Variants in GFI1 observed in about 807,000 individuals in gnomAD.
The protein encoded by GFI1 is zinc finger protein Gfi-1.
Under a neutral mutation model 39.2 loss-of-function variants are expected in GFI1, and 15 were observed. The ratio of observed to expected loss-of-function variants is 0.38; its 90% confidence interval spans 0.26 to 0.59. GFI1 has a LOEUF of 0.59. Among genes scored for constraint, GFI1 ranks in the 20% least tolerant of loss-of-function variants. GFI1 has a pLI of 0.62. For missense variants in GFI1, 475 were observed against 574.0 expected (o/e 0.83, Z 1.76); for synonymous variants, 239 against 254.3 (o/e 0.94, Z 0.57).
rs1016725727 is a variant in GFI1 at position 92,475,655 on chromosome 1, G to C, written c.*374C>G. 4 of 301,630 alleles carry C rather than the reference G, an allele frequency of 1.3e-5. No individual in the cohort carries two copies. In the South Asian group the frequency reaches 1.4e-4, roughly 11 times the overall value. 18.7% of individuals were successfully genotyped at this position (301,630 alleles called of 1,614,324 possible). On this transcript the variant is annotated 3_prime_UTR_variant, in exon 7 of 7. Coordinates refer to ENST00000294702, the MANE Select transcript of GFI1 (RefSeq NM_005263.5). ...ATATCTGGGGTAGGTCAAGAGGGGG[G>C]AGGGAAGAAACCTGAAGGGCATTCC...
chr1:92,476,467 C>T (rs1657985763), intron 6 of GFI1, among the ~76,000 whole-genome samples: 1 of 152,166 alleles, frequency 6.6e-6, no homozygotes. Flanking sequence ...CGGTTTCCTG[C>T]TAAACGGAAA....
rs772644896 is a variant in GFI1, at chr1:92,483,442, G to A, written c.46C>T (p.His16Tyr). The change falls in exon 2 of 7, where the codon CAC becomes TAC. Residue 16 changes from histidine (H) to tyrosine (Y), a missense_variant. By Grantham distance (83) the His-to-Tyr change is moderately conservative. This residue lies in a region of GFI1 where 275 missense variants were observed against 275.8 expected (regional missense o/e 1.00). Coordinates refer to ENST00000294702, the MANE Select transcript of GFI1 (RefSeq NM_005263.5). ...LVKSKKAHSY[H>Y]QPRSPGPDYS... ...TCTGGTCCTGGGGAGCGCGGCTGGT[G>A]GTAGCTGTGAGCCTTCTTGCTTTTG... 6 of 1,612,920 alleles carry A rather than the reference G, an allele frequency of 3.7e-6. No individual in the cohort carries two copies. Among genetic ancestry groups the A allele is most frequent in the African/African-American group, 2.7e-5 (2 of 74,900 alleles).
chr1:92,482,032 G>A lies in GFI1; in HGVS notation c.298+832C>T, dbSNP rs983269150. Among the ~76,000 whole-genome samples the A allele has an allele frequency of 6.6e-5, 10 of 151,902 alleles. No homozygotes were observed. Among genetic ancestry groups the A allele is most frequent in the African/African-American group, 2.4e-4 (10 of 41,340 alleles). ...TTTCGTTCGGAGGGGTTCGGGGCGC[G>A]CCCAATCCTTGTCTGGCCACTTGAC... On this transcript the variant is annotated intron_variant, in intron 3 of 6. Transcript: ENST00000294702. The surrounding 1 kb of genome is among the most constrained non-coding windows in gnomAD (Gnocchi z 4.4).
Position 92,481,158 on chromosome 1 carries a change from G to A in GFI1, c.299-70C>T. The A allele has an allele frequency of 7.4e-7, 1 of 1,349,784 alleles. No homozygotes were observed. Among genetic ancestry groups the A allele is most frequent in the Non-Finnish European group, 1.0e-6 (1 of 961,012 alleles). The allele number at this position is 1,349,784 out of a possible 1,614,324, so 83.6% of individuals were successfully genotyped here. A position where few individuals can be genotyped will look rare whatever the true frequency, so the allele number is the denominator to read the frequency against. ...GAGCGGAGGCCGCCGGGCTGCGGCT[G>A]CGAGCGTGGCGTGTTCGCGGACTGC... On this transcript the variant is annotated intron_variant, in intron 3 of 6. Coordinates refer to ENST00000294702, the MANE Select transcript of GFI1 (RefSeq NM_005263.5). The surrounding 1 kb of genome is among the most constrained non-coding windows in gnomAD (Gnocchi z 4.3).
Position 92,482,156 on chromosome 1 carries a change from G to A in GFI1, c.298+708C>T, listed in dbSNP as rs1658288928. Among the ~76,000 whole-genome samples the A allele has an allele frequency of 6.6e-6, 1 of 152,104 alleles. No individual in the cohort carries two copies. Among genetic ancestry groups the A allele is most frequent in the African/African-American group, 2.4e-5 (1 of 41,488 alleles). On this transcript the variant is annotated intron_variant, in intron 3 of 6. Coordinates refer to ENST00000294702, the MANE Select transcript of GFI1 (RefSeq NM_005263.5). This position sits in a 1 kb window ranked among gnomAD's most constrained non-coding sequence, Gnocchi z 4.4. Reference sequence around the variant, plus strand: ...ACTCACTGATTGTGGGACGGGTGGTGGTATCTTCTAAAACTAGCAAACATA... The same window carrying A: ...ACTCACTGATTGTGGGACGGGTGGTAGTATCTTCTAAAACTAGCAAACATA...
At position 92,473,652 on chromosome 1, in the gene GFI1, C is replaced by T. The variant is rs1657825098; in HGVS notation, c.*2377G>A. 6.6e-6 allele frequency among the ~76,000 whole-genome samples: 1 copy of T among 150,440 alleles called. No individual in the cohort carries two copies. Among genetic ancestry groups the T allele is most frequent in the Non-Finnish European group, 1.5e-5 (1 of 68,014 alleles). ...AAACCAGAGAAAAGCAGCATTCAAG[C>T]CCCCCTTTCCTGCCAACCTGGAGAG... is the stretch of plus-strand genomic sequence containing the variant. On this transcript the variant is annotated 3_prime_UTR_variant, in exon 7 of 7. Coordinates refer to ENST00000294702, the MANE Select transcript of GFI1 (RefSeq NM_005263.5).
Position 92,474,993 on chromosome 1 carries a change from T to C in GFI1, c.*1036A>G, listed in dbSNP as rs1657889089. ...AAATATCAGCTTAACAATAAAAAAC[T>C]GAATATACACACATATCTTTGAAGT... On this transcript the variant is annotated 3_prime_UTR_variant, in exon 7 of 7. Transcript: ENST00000294702. 6.6e-6 allele frequency: 1 copy of C among 152,146 alleles called. No homozygotes were observed. The highest frequency in any genetic ancestry group is 2.1e-4 in the South Asian group (1 of 4,828). 9.4% of individuals were successfully genotyped at this position (152,146 alleles called of 1,614,324 possible). A position where few individuals can be genotyped will look rare whatever the true frequency, so the allele number is the denominator to read the frequency against.
At chr1:92,477,054 T>G (rs751300715) in intron 6 of GFI1, among the ~76,000 whole-genome samples, 1 of 152,216 alleles carries the variant, frequency 6.6e-6, no homozygotes, top group Non-Finnish European at 1.5e-5. Context: ...CATGGCATTA[T>G]AGTCAGGGCT....
chr1:92,475,839 G>T lies in GFI1; in HGVS notation c.*190C>A. 1.6e-6 allele frequency: 1 copy of T among 622,370 alleles called. No homozygotes were observed. The highest frequency in any genetic ancestry group is 2.9e-6 in the Non-Finnish European group (1 of 346,934). The allele number at this position is 622,370 out of a possible 1,614,324, so 38.6% of individuals were successfully genotyped here. A position where few individuals can be genotyped will look rare whatever the true frequency, so the allele number is the denominator to read the frequency against. ...CTCACTCTCGGCTGCACTTTGAAAAGGTACCTCATTTCTTCTGGCAGCTCC... is the reference window on the plus strand; with the variant it reads ...CTCACTCTCGGCTGCACTTTGAAAATGTACCTCATTTCTTCTGGCAGCTCC... On this transcript the variant is annotated 3_prime_UTR_variant, in exon 7 of 7. Transcript: ENST00000294702.
At position 92,475,330 on chromosome 1, in the gene GFI1, T is replaced by G. The variant is rs1657904697; in HGVS notation, c.*699A>C. 1 of 153,252 alleles carries G rather than the reference T, an allele frequency of 6.5e-6. No individual in the cohort carries two copies. Among genetic ancestry groups the G allele is most frequent in the African/African-American group, 2.4e-5 (1 of 41,446 alleles). 9.5% of individuals were successfully genotyped at this position (153,252 alleles called of 1,614,324 possible). ...AGTGATGAGGTTTTCACAGCCCTAC[T>G]GAAGGGAGGACCTCTAATCCCCTCT... is the stretch of plus-strand genomic sequence containing the variant. On this transcript the variant is annotated 3_prime_UTR_variant, in exon 7 of 7. Coordinates refer to ENST00000294702, the MANE Select transcript of GFI1 (RefSeq NM_005263.5).
chr1:92,482,714 T>A lies in GFI1; in HGVS notation c.298+150A>T. 1 of 692,576 alleles carries A rather than the reference T, an allele frequency of 1.4e-6. No individual in the cohort carries two copies. The highest frequency in any genetic ancestry group is 2.6e-6 in the Non-Finnish European group (1 of 386,752). The allele number at this position is 692,576 out of a possible 1,614,324, so 42.9% of individuals were successfully genotyped here. A position where few individuals can be genotyped will look rare whatever the true frequency, so the allele number is the denominator to read the frequency against. ...CTGTCCAAGTCCCAGAGAAGCCGGATGCCTCCTTCCCCTACGAATCAGCTC... is the reference window on the plus strand; with the variant it reads ...CTGTCCAAGTCCCAGAGAAGCCGGAAGCCTCCTTCCCCTACGAATCAGCTC... On this transcript the variant is annotated intron_variant, in intron 3 of 6. Coordinates refer to ENST00000294702, the MANE Select transcript of GFI1 (RefSeq NM_005263.5). This position sits in a 1 kb window ranked among gnomAD's most constrained non-coding sequence, Gnocchi z 4.4.
At chr1:92,477,584 T>C (rs74101157) in intron 6 of GFI1, among the ~76,000 whole-genome samples, 3,966 of 152,288 alleles carry the variant, frequency 0.026, 130 homozygotes, top group African/African-American at 0.074. Flanking sequence ...GCACATAAAG[T>C]GTTAGACAAA....
In GFI1 at chr1:92,474,420, C is replaced by CTTTATTT. The variant is rs1657862175; in HGVS notation, c.*1608_*1609insAAATAAA. On this transcript the variant is annotated 3_prime_UTR_variant, in exon 7 of 7. Coordinates refer to ENST00000294702, the MANE Select transcript of GFI1 (RefSeq NM_005263.5). ...TAAGACCTGTGATTTCTTTATTCATCTGGGAGCCTTCAGGCCCCTAAAAAA... is the reference window on the plus strand; with the variant it reads ...TAAGACCTGTGATTTCTTTATTCATCTTTATTTTGGGAGCCTTCAGGCCCCTAAAAAA... Among the ~76,000 whole-genome samples, 3 of 152,184 alleles carry CTTTATTT rather than the reference C, an allele frequency of 2.0e-5. No individual in the cohort carries two copies. The highest frequency in any genetic ancestry group is 1.3e-4 in the Admixed American group (2 of 15,282).
Position 92,474,400 on chromosome 1 carries a change from C to T in GFI1, c.*1629G>A, listed in dbSNP as rs1002188789. 6.6e-6 allele frequency among the ~76,000 whole-genome samples: 1 copy of T among 152,146 alleles called. No homozygotes were observed. The highest frequency in any genetic ancestry group is 1.5e-5 in the Non-Finnish European group (1 of 68,042). On this transcript the variant is annotated 3_prime_UTR_variant, in exon 7 of 7. Transcript: ENST00000294702. ...CTAAAACTAAAACCTAGACCTAAGA[C>T]CTGTGATTTCTTTATTCATCTGGGA...
rs1362549766 is a variant in GFI1 at position 92,480,024 on chromosome 1, A to G, written c.924+324T>C. On this transcript the variant is annotated intron_variant, in intron 5 of 6. Transcript: ENST00000294702. The surrounding 1 kb of genome is among the most constrained non-coding windows in gnomAD (Gnocchi z 5.6). ...GTGAAAAGAATAGGCACAAAGAAAC[A>G]GAGCTAGTAAGTCTGATATATCAGC... Among the ~76,000 whole-genome samples, 2 of 152,234 alleles carry G rather than the reference A, an allele frequency of 1.3e-5. No individual in the cohort carries two copies. Among genetic ancestry groups the G allele is most frequent in the African/African-American group, 4.8e-5 (2 of 41,464 alleles).
chr1:92,478,493 G>C (rs932513740), intron 6 of GFI1, 95 bp downstream of exon 6: 1 of 1,023,118 alleles, frequency 9.8e-7, no homozygotes, highest in Admixed American at 1.8e-5. Flanking sequence ...CATCAGAAAG[G>C]CCTCATCCAC....
rs1267787914 is a variant in GFI1, at chr1:92,475,805, C to A, written c.*224G>T. On this transcript the variant is annotated 3_prime_UTR_variant, in exon 7 of 7. Coordinates refer to ENST00000294702, the MANE Select transcript of GFI1 (RefSeq NM_005263.5). ...TATTTGTGTCCGAAGCCTAGAGAGT[C>A]ACTTGGTTCTCACTCTCGGCTGCAC... 3 of 583,766 alleles carry A rather than the reference C, an allele frequency of 5.1e-6. No homozygotes were observed. The highest frequency in any genetic ancestry group is 5.8e-5 in the Admixed American group (2 of 34,730). The allele number at this position is 583,766 out of a possible 1,614,324, so 36.2% of individuals were successfully genotyped here.
At position 92,483,577 on chromosome 1, in the gene GFI1, C is replaced by G. The variant is rs565821550; in HGVS notation, c.-90G>C. 2.0e-3 allele frequency: 1,543 copies of G among 771,606 alleles called. 14 individuals carry two copies. The African/African-American group carries it at 0.023, about 11-fold the overall frequency. 47.8% of individuals were successfully genotyped at this position (771,606 alleles called of 1,614,324 possible). A position where few individuals can be genotyped will look rare whatever the true frequency, so the allele number is the denominator to read the frequency against. ...TCCGAGGGCTTGCTCAGCCCCAGCCCGGAGGAGACCTGAGAGGGAAAGAAA... is the reference window on the plus strand; with the variant it reads ...TCCGAGGGCTTGCTCAGCCCCAGCCGGGAGGAGACCTGAGAGGGAAAGAAA... On this transcript the variant is annotated 5_prime_UTR_variant, in exon 2 of 7. Transcript: ENST00000294702.
At chr1:92,479,864 A>AAAAAG (rs1158615866) in intron 5 of GFI1, among the ~76,000 whole-genome samples, 3 of 152,074 alleles carry the variant, frequency 2.0e-5, no homozygotes, top group African/African-American at 4.8e-5. Context: ...AAAGAAAAGA[A>AAAAAG]AAAAGAAAAG....
Sources: allele counts gnomAD v4.1 joint callset (sites outside exome capture counted in the v4.1 genomes callset), GRCh38; gene constraint gnomAD v4.1.1; regional missense constraint gnomAD v4.1.1; non-coding constraint Gnocchi (gnomAD v3.1); transcripts MANE v1.5; gene names NCBI Gene and HGNC (gene_info 2026-07-23, HGNC 2026-07-21).